Variants in MYPOP observed in about 807,000 individuals in gnomAD.
MYPOP encodes the protein myb-related transcription factor, partner of profilin.
In MYPOP, 21 loss-of-function variants were observed where a neutral mutation model predicts 25.7. The ratio of observed to expected loss-of-function variants is 0.82; its 90% CI spans 0.58 to 1.18. The LOEUF (loss-of-function observed/expected upper bound fraction) is 1.18. MYPOP is among the 50% of genes most tolerant of loss of function. The pLI is 0.00. For missense variants in MYPOP, 566 were observed against 588.3 expected (o/e 0.96, Z 0.39); for synonymous variants, 280 against 247.9 (o/e 1.13, Z -1.22).
At chr19:45,891,912 GTTT>G (rs942306318) in intron 2 of MYPOP, among the ~76,000 whole-genome samples, 1 of 152,004 alleles carries the variant, frequency 6.6e-6, no homozygotes, top group Non-Finnish European at 1.5e-5. Context: ...AGAGCCAACA[GTTT>G]TTTTATTTTT....
chr19:45,894,932 G>A (rs1172621476), intron 2 of MYPOP, among the ~76,000 whole-genome samples: 1 of 151,744 alleles, frequency 6.6e-6, no homozygotes, highest in Non-Finnish European at 1.5e-5. Flanking sequence ...TTGGCCAGAT[G>A]GTCTCGATCT....
chr19:45,901,889 G>T lies in MYPOP; in HGVS notation c.-52-64C>A. 1.1e-6 allele frequency: 1 copy of T among 878,052 alleles called. No homozygotes were observed. Among genetic ancestry groups the T allele is most frequent in the Non-Finnish European group, 1.5e-6 (1 of 667,494 alleles). 54.4% of individuals were successfully genotyped at this position (878,052 alleles called of 1,614,324 possible). A position where few individuals can be genotyped will look rare whatever the true frequency, so the allele number is the denominator to read the frequency against. ...GGTCCCCCCGCCGCCGCCTCTCCCA[G>T]ACCGCCGGGCCGAGAGCTCCTTAGT... On this transcript the variant is annotated intron_variant, in intron 1 of 2. Coordinates refer to ENST00000322217, the MANE Select transcript of MYPOP (RefSeq NM_001012643.4). The surrounding 1 kb of genome is among the most constrained non-coding windows in gnomAD (Gnocchi z 5.7).
chr19:45,895,443 A>G (rs917118072), intron 2 of MYPOP, among the ~76,000 whole-genome samples: 1 of 151,982 alleles, frequency 6.6e-6, no homozygotes, highest in Non-Finnish European at 1.5e-5. Context: ...TTGTAGAGAC[A>G]GGGTTTTGCC....
chr19:45,899,266 G>C (rs932009483), intron 2 of MYPOP, among the ~76,000 whole-genome samples: 1 of 152,084 alleles, frequency 6.6e-6, no homozygotes, highest in African/African-American at 2.4e-5. Flanking sequence ...AAGAATGTCG[G>C]TTCCATAAGG....
rs949325007 is a variant in MYPOP at position 45,901,585 on chromosome 19, G to T, written c.189C>A (p.Ile63=). Residue 63 remains isoleucine, a synonymous_variant, in exon 2 of 3, where the codon ATC becomes ATA. Transcript: ENST00000322217. The surrounding 1 kb of genome is among the most constrained non-coding windows in gnomAD (Gnocchi z 5.7). The part of the protein sequence containing the change: ...RRVWDGIAAK[I]NGITSWKRTG... ...TGCGCTTCCAGCTGGTGATACCGTT[G>T]ATCTTGGCGGCGATGCCGTCCCACA... 8 of 1,611,850 alleles carry T rather than the reference G, an allele frequency of 5.0e-6. No homozygotes were observed. Among genetic ancestry groups the T allele is most frequent in the East Asian group, 2.2e-5 (1 of 44,858 alleles).
intron 2 of MYPOP, 25 bp from the exon 3 acceptor site, chr19:45,891,348 G>A (rs765901279): frequency 6.9e-7 from 1 of 1,451,824 alleles, no homozygotes; most frequent in Non-Finnish European, 9.0e-7. Context: ...ATACAGGTAA[G>A]GGGTGAGCGA....
chr19:45,901,442 G>C lies in MYPOP; in HGVS notation c.332C>G (p.Ala111Gly), dbSNP rs200358316. ...AGPAAEDAFS[A>G]EEETIFAILG... ...GATGGCAAAAATGGTCTCCTCTTCC[G>C]CGGAGAAAGCGTCCTCCGCGGCGGG... Residue 111 changes from alanine (A) to glycine (G), a missense_variant, in exon 2 of 3, where the codon GCG becomes GGG. Physicochemically the swap from Ala to Gly is moderately conservative, Grantham distance 60. Transcript: ENST00000322217. This position sits in a 1 kb window ranked among gnomAD's most constrained non-coding sequence, Gnocchi z 5.7. The C allele has an allele frequency of 6.3e-7, 1 of 1,591,592 alleles. No homozygotes were observed. The highest frequency in any genetic ancestry group is 8.6e-7 in the Non-Finnish European group (1 of 1,169,168).
chr19:45,890,570 G>T lies in MYPOP; in HGVS notation c.*53C>A. 1.9e-6 allele frequency: 3 copies of T among 1,595,520 alleles called. No individual in the cohort carries two copies. The highest frequency in any genetic ancestry group is 2.2e-5 in the South Asian group (2 of 89,028). On this transcript the variant is annotated 3_prime_UTR_variant, in exon 3 of 3. Coordinates refer to ENST00000322217, the MANE Select transcript of MYPOP (RefSeq NM_001012643.4). ...ATGGGCAGAGAGCATCGCCCCCCTC[G>T]ACTGCGCCAAGCTGGGGAGAGGGGT...
intron 1 of MYPOP, among the ~76,000 whole-genome samples, 175 bp downstream of exon 1, chr19:45,902,395 T>C (rs960525133): frequency 6.6e-6 from 1 of 151,716 alleles, no homozygotes; most frequent in African/African-American, 2.4e-5. Flanking sequence ...CGATCAAATA[T>C]TAGGGATCAG....
chr19:45,897,616 T>C (rs1967224650), intron 2 of MYPOP, among the ~76,000 whole-genome samples: 1 of 152,016 alleles, frequency 6.6e-6, no homozygotes, highest in African/African-American at 2.4e-5. Flanking sequence ...AGTGTAGTGG[T>C]GCGATCATGG....
intron 2 of MYPOP, among the ~76,000 whole-genome samples, chr19:45,896,475 G>C (rs1235334820): frequency 1.3e-5 from 2 of 152,150 alleles, no homozygotes; most frequent in African/African-American, 4.8e-5. Flanking sequence ...ATTCCACCTA[G>C]TCTTCCCAGC....
At chr19:45,897,400 G>A (rs894053292) in intron 2 of MYPOP, among the ~76,000 whole-genome samples, 1 of 152,066 alleles carries the variant, frequency 6.6e-6, no homozygotes, top group Non-Finnish European at 1.5e-5. Context: ...GGCAAGGGCT[G>A]TGGGCCTGGG....
intron 2 of MYPOP, among the ~76,000 whole-genome samples, chr19:45,895,858 G>T (rs940263814): frequency 1.3e-5 from 2 of 152,116 alleles, no homozygotes; most frequent in South Asian, 4.1e-4. Flanking sequence ...CATCAGCTTG[G>T]ATGTTTTTTT....
At position 45,901,926 on chromosome 19, in the gene MYPOP, G is replaced by A. The variant is rs1489260489; in HGVS notation, c.-52-101C>T. The A allele has an allele frequency of 1.8e-6, 1 of 568,680 alleles. No homozygotes were observed. The highest frequency in any genetic ancestry group is 2.0e-5 in the African/African-American group (1 of 51,006). The allele number at this position is 568,680 out of a possible 1,614,324, so 35.2% of individuals were successfully genotyped here. ...GAGAGCTCCTTAGTCCCCGGGGGCA[G>A]GAGTGGGGGCGGGGGGCGGGCGGGG... On this transcript the variant is annotated intron_variant, in intron 1 of 2. Transcript: ENST00000322217. This position sits in a 1 kb window ranked among gnomAD's most constrained non-coding sequence, Gnocchi z 5.7.
rs2146373048 is a variant in MYPOP, at chr19:45,890,394, G to T, written c.*229C>A. 3.5e-6 allele frequency: 2 copies of T among 564,264 alleles called. No individual in the cohort carries two copies. The highest frequency in any genetic ancestry group is 3.5e-5 in the East Asian group (1 of 28,978). The allele number at this position is 564,264 out of a possible 1,614,324, so 35.0% of individuals were successfully genotyped here. On this transcript the variant is annotated 3_prime_UTR_variant, in exon 3 of 3. Transcript: ENST00000322217. ...ATGAAATTGATGGCTTAGAAGTCAG[G>T]GTTAAGGGAGGCAGCCAGGCAGACA...
At chr19:45,900,049 C>T (rs1450292999) in intron 2 of MYPOP, among the ~76,000 whole-genome samples, 1 of 152,194 alleles carries the variant, frequency 6.6e-6, no homozygotes, top group Non-Finnish European at 1.5e-5. Context: ...CACTTACTTG[C>T]TGTGTGACCT....
chr19:45,900,897 C>T (rs925621217), intron 2 of MYPOP, among the ~76,000 whole-genome samples: 7 of 152,160 alleles, frequency 4.6e-5, no homozygotes, highest in Non-Finnish European at 7.4e-5. Flanking sequence ...TTTTTATCTC[C>T]ATTTTACAGA....
chr19:45,891,046 G>A lies in MYPOP; in HGVS notation c.777C>T (p.Ser259=). ...PPPTLSASDP[S]LDFLRAQQET... is the part of the protein sequence containing the mutation. Reference sequence around the variant, plus strand: ...CCTGCTGGGCCCGCAGGAAGTCCAGGGAGGGGTCTGAGGCCGAGAGCGTGG... The same window carrying A: ...CCTGCTGGGCCCGCAGGAAGTCCAGAGAGGGGTCTGAGGCCGAGAGCGTGG... The change falls in exon 3 of 3, where the codon TCC becomes TCT. Residue 259 remains serine (S), a synonymous_variant. Transcript: ENST00000322217. 6.6e-7 allele frequency: 1 copy of A among 1,521,020 alleles called. No individual in the cohort carries two copies. Among genetic ancestry groups the A allele is most frequent in the Non-Finnish European group, 8.8e-7 (1 of 1,131,488 alleles). 94.2% of individuals were successfully genotyped at this position (1,521,020 alleles called of 1,614,324 possible). A position where few individuals can be genotyped will look rare whatever the true frequency, so the allele number is the denominator to read the frequency against.
chr19:45,895,085 C>G (rs1967183604), intron 2 of MYPOP, among the ~76,000 whole-genome samples: 1 of 152,106 alleles, frequency 6.6e-6, no homozygotes, highest in African/African-American at 2.4e-5. Context: ...CGTCCTGTGG[C>G]TCTCACCTCA....
Sources: allele counts gnomAD v4.1 joint callset (sites outside exome capture counted in the v4.1 genomes callset), GRCh38; gene constraint gnomAD v4.1.1; non-coding constraint Gnocchi (gnomAD v3.1); transcripts MANE v1.5; gene names NCBI Gene and HGNC (gene_info 2026-07-23, HGNC 2026-07-21).